ITSN1: variants seen among roughly 807,000 people sequenced by gnomAD.
ITSN1 encodes intersectin-1.
In ITSN1, 58 loss-of-function variants were observed where a neutral mutation model predicts 239.8. The observed-to-expected ratio is 0.24, with a 90% CI of 0.20 to 0.30. ITSN1 has a LOEUF of 0.30. Among genes scored for constraint, ITSN1 ranks in the 10% least tolerant of loss-of-function variants. The pLI, the probability that ITSN1 is intolerant of heterozygous loss-of-function variation, is 1.00. For synonymous variants in ITSN1, 780 were observed against 770.8 expected, an observed-to-expected ratio of 1.01 and a Z score of -0.20; for missense variants, 1,558 against 2,103.3, an observed-to-expected ratio of 0.74 and a Z score of 5.07.
chr21:33,710,661 T>C (rs560739953), intron 1 of ITSN1, among the ~76,000 whole-genome samples: 27 of 152,130 alleles, frequency 1.8e-4, no homozygotes, highest in African/African-American at 6.0e-4. Flanking sequence ...TTTGGTATTA[T>C]AGTTGTATGA....
At chr21:33,785,750 C>G (rs2070613037) in intron 16 of ITSN1, among the ~76,000 whole-genome samples, 1 of 152,046 alleles carries the variant, frequency 6.6e-6, no homozygotes, top group Admixed American at 6.6e-5. Flanking sequence ...AAGTCGTGGG[C>G]CTTTAAGTTT....
chr21:33,710,587 A>G (rs1391789888), intron 1 of ITSN1, among the ~76,000 whole-genome samples: 1 of 151,688 alleles, frequency 6.6e-6, no homozygotes, highest in Non-Finnish European at 1.5e-5. Context: ...ATTTTTGTGA[A>G]TGATTTTTGT....
chr21:33,836,940 G>T lies in ITSN1; in HGVS notation c.3661+308G>T, dbSNP rs778245923. On this transcript the variant is annotated intron_variant, in intron 29 of 39. Coordinates refer to ENST00000381318, the MANE Select transcript of ITSN1 (RefSeq NM_003024.3). ...GACTCATTTTCCTAGCTTGAATTTTGCTCATTGTTTTGTTTTGCTTATGTG... is the reference window on the plus strand; with the variant it reads ...GACTCATTTTCCTAGCTTGAATTTTTCTCATTGTTTTGTTTTGCTTATGTG... 4.4e-6 allele frequency: 6 copies of T among 1,369,506 alleles called. No homozygotes were observed. In the East Asian group the frequency reaches 9.1e-5, roughly 21 times the overall value. 84.8% of individuals were successfully genotyped at this position (1,369,506 alleles called of 1,614,324 possible).
At chr21:33,838,035 A>G (rs755300763) in intron 29 of ITSN1, 191 of 985,624 alleles carry the variant, frequency 1.9e-4, no homozygotes, top group Non-Finnish European at 2.2e-4. Context: ...TTAATTTCCA[A>G]TGTTTACATT....
chr21:33,876,091 T>TTCTCCCTTTTTCTTTCC (rs1405924901), intron 34 of ITSN1, among the ~76,000 whole-genome samples: 24 of 145,440 alleles, frequency 1.7e-4, no homozygotes, highest in Admixed American at 7.8e-4. Context: ...TCTTTCCTCT[T>TTCTCCCTTTTTCTTTCC]TCTTTCTTTC....
rs115819160 is a variant in ITSN1 at position 33,707,559 on chromosome 21, C to T, written c.-32-11238C>T. Among the ~76,000 whole-genome samples the T allele has an allele frequency of 3.6e-3, 547 of 152,336 alleles. 2 individuals carry two copies. Among genetic ancestry groups the T allele is most frequent in the African/African-American group, 0.012 (518 of 41,568 alleles). On this transcript the variant is annotated intron_variant, in intron 1 of 39. Coordinates refer to ENST00000381318, the MANE Select transcript of ITSN1 (RefSeq NM_003024.3). ...TCTCTGTTTTGTGTCCTTTCTTCTC[C>T]TCCCATCTTCAGGAAACCACTGATG...
intron 12 of ITSN1, among the ~76,000 whole-genome samples, chr21:33,773,820 C>T (rs2069375308): frequency 6.6e-6 from 1 of 152,076 alleles, no homozygotes; most frequent in Non-Finnish European, 1.5e-5. Context: ...GCTGGGATTA[C>T]AGGCGTGAGC....
intron 14 of ITSN1, among the ~76,000 whole-genome samples, chr21:33,780,702 G>A (rs576188393): frequency 1.3e-5 from 2 of 152,146 alleles, no homozygotes; most frequent in African/African-American, 2.4e-5. Context: ...TTTTATCAAG[G>A]TAAAAATAAA....
intron 20 of ITSN1, among the ~76,000 whole-genome samples, chr21:33,808,576 A>T (rs1306487754): frequency 1.4e-5 from 2 of 148,064 alleles, no homozygotes; most frequent in Admixed American, 1.4e-4. Context: ...CAAGAGTGAG[A>T]CTCCATCTCA....
chr21:33,870,004 T>C (rs1360220817), intron 33 of ITSN1, among the ~76,000 whole-genome samples: 2 of 152,210 alleles, frequency 1.3e-5, no homozygotes, highest in African/African-American at 2.4e-5. Context: ...CTTCTGCCTT[T>C]GTAACTCCCT....
rs759096233 is a variant in ITSN1 at position 33,888,291 on chromosome 21, T to C, written c.5157T>C (p.Asp1719=). 6.2e-7 allele frequency: 1 copy of C among 1,613,412 alleles called. No individual in the cohort carries two copies. Among genetic ancestry groups the C allele is most frequent in the Non-Finnish European group, 8.5e-7 (1 of 1,179,758 alleles). Residue 1719 remains aspartate (D), a synonymous_variant, in exon 40 of 40, where the codon GAT becomes GAC. Coordinates refer to ENST00000381318, the MANE Select transcript of ITSN1 (RefSeq NM_003024.3). ...IVVRLDLQLF[D]EP ...TCCGCTTGGACCTGCAGTTGTTTGA[T>C]GAGCCGTAGGCAGCGGGCTCAGGGT...
At position 33,889,339 on chromosome 21, in the gene ITSN1, A is replaced by G. The variant is rs1012531620; in HGVS notation, c.*1039A>G. The G allele has an allele frequency of 1.3e-5, 2 of 152,224 alleles. No individual in the cohort carries two copies. The highest frequency in any genetic ancestry group is 6.5e-5 in the Admixed American group (1 of 15,282). The allele number at this position is 152,224 out of a possible 1,614,324, so 9.4% of individuals were successfully genotyped here. A position where few individuals can be genotyped will look rare whatever the true frequency, so the allele number is the denominator to read the frequency against. The stretch of plus-strand genomic sequence containing the variant: ...AAAATATCAAGCTGGAGGTTGGGAA[A>G]GAAAATGAAGGCAGTCCATTATGTG... On this transcript the variant is annotated 3_prime_UTR_variant, in exon 40 of 40. Transcript: ENST00000381318.
At chr21:33,716,138 G>T (rs2065125185) in intron 1 of ITSN1, among the ~76,000 whole-genome samples, 1 of 152,150 alleles carries the variant, frequency 6.6e-6, no homozygotes, top group Non-Finnish European at 1.5e-5. Context: ...TCTTGAGAGA[G>T]TTCCTTGTGC....
At chr21:33,735,022 A>G in intron 4 of ITSN1, 22 bp from the exon 5 acceptor site, 1 of 1,593,032 alleles carries the variant, frequency 6.3e-7, no homozygotes, top group Non-Finnish European at 8.5e-7. Context: ...AGTTGTTCTC[A>G]GGCCATGCTG....
chr21:33,669,128 G>T (rs1265492719), intron 1 of ITSN1, among the ~76,000 whole-genome samples: 1 of 152,244 alleles, frequency 6.6e-6, no homozygotes, highest in Non-Finnish European at 1.5e-5. Flanking sequence ...TGTTGCCCAG[G>T]CTGGAGTGCA....
chr21:33,659,923 G>A (rs1269515637), intron 1 of ITSN1, among the ~76,000 whole-genome samples: 1 of 151,690 alleles, frequency 6.6e-6, no homozygotes. Context: ...GGATCTCACT[G>A]GTCTCAAACT....
rs150595762 is a variant in ITSN1, at chr21:33,707,871, T to G, written c.-32-10926T>G. 3.2e-3 allele frequency among the ~76,000 whole-genome samples: 485 copies of G among 152,352 alleles called. 1 individual carries two copies. Among genetic ancestry groups the G allele is most frequent in the Non-Finnish European group, 4.6e-3 (310 of 68,032 alleles). On this transcript the variant is annotated intron_variant, in intron 1 of 39. Transcript: ENST00000381318. Reference sequence around the variant, plus strand: ...GATAGTACATTTGTATAGAAATCTTTGTGTGGGCATAAATTTTCATTTCTC... The same window carrying G: ...GATAGTACATTTGTATAGAAATCTTGGTGTGGGCATAAATTTTCATTTCTC...
chr21:33,800,203 T>G (rs2071871248), intron 19 of ITSN1, among the ~76,000 whole-genome samples: 2 of 151,974 alleles, frequency 1.3e-5, no homozygotes, highest in South Asian at 4.1e-4. Flanking sequence ...AATTTCAGAG[T>G]TTAGATTACT....
intron 20 of ITSN1, among the ~76,000 whole-genome samples, chr21:33,806,378 G>T (rs1368301800): frequency 1.3e-5 from 2 of 152,154 alleles, no homozygotes; most frequent in African/African-American, 4.8e-5. Flanking sequence ...TGCTACACTT[G>T]TTTATCATGT....
Sources: gnomAD v4.1 joint callset for allele counts (sites outside exome capture counted in the v4.1 genomes callset) on GRCh38, gnomAD v4.1.1 for gene constraint, MANE v1.5 for transcripts, NCBI Gene and HGNC (gene_info 2026-07-23, HGNC 2026-07-21) for gene names.